Variants in TNIK observed in about 807,000 individuals in gnomAD.
TNIK encodes the protein TRAF2 and NCK interacting kinase.
TNIK carries 49 observed loss-of-function variants against 191.3 expected under a neutral mutation model. The observed-to-expected ratio is 0.26, with a 90% confidence interval of 0.20 to 0.32. The LOEUF (loss-of-function observed/expected upper bound fraction) is 0.32, where lower values mean the gene tolerates loss of function less well. Among genes scored for constraint, TNIK ranks in the 10% least tolerant of loss-of-function variants. TNIK has a pLI of 1.00. For synonymous variants in TNIK, 594 were observed against 600.9 expected, an observed-to-expected ratio of 0.99 and a Z score of 0.17; for missense variants, 1,155 against 1,702.3, an observed-to-expected ratio of 0.68 and a Z score of 5.66.
intron 22 of TNIK, among the ~76,000 whole-genome samples, chr3:171,097,525 T>A (rs1722885675): frequency 6.6e-6 from 1 of 152,154 alleles, no homozygotes; most frequent in South Asian, 2.1e-4. Flanking sequence ...AATTGAATCA[T>A]GGAGGTGGGT....
chr3:171,408,611 A>G (rs957948212), intron 1 of TNIK, among the ~76,000 whole-genome samples: 3 of 152,158 alleles, frequency 2.0e-5, no homozygotes, highest in African/African-American at 7.2e-5. Context: ...CTGAGCCTCA[A>G]TTCCCTCAAT....
Position 171,123,600 on chromosome 3 carries a change from C to T in TNIK, c.2116G>A (p.Ala706Thr). The change falls in exon 18 of 33, where the codon GCA (alanine) becomes ACA (threonine). Residue 706 changes from alanine to threonine, a missense_variant. Physicochemically the swap from Ala to Thr is moderately conservative, Grantham distance 58 (BLOSUM62 0). Transcript: ENST00000436636. Reference protein sequence around the residue: ...GPRLGSQPIRASNPDLRRTEP... With the variant: ...GPRLGSQPIRTSNPDLRRTEP... ...ATAACCACCTTCCTTTCTTACCTTG[C>T]TCTGATGGGTTGAGATCCTAGTCTG... is the stretch of plus-strand genomic sequence containing the variant. 3 of 1,557,232 alleles carry T rather than the reference C, an allele frequency of 1.9e-6. No homozygotes were observed. The highest frequency in any genetic ancestry group is 1.2e-5 in the South Asian group (1 of 83,394).
At chr3:171,374,572 C>G (rs769965327) in intron 1 of TNIK, among the ~76,000 whole-genome samples, 1 of 152,140 alleles carries the variant, frequency 6.6e-6, no homozygotes, top group African/African-American at 2.4e-5. Context: ...GTCAAGAATC[C>G]CTGTTGGCCA....
At chr3:171,069,037 A>G in intron 29 of TNIK, 40 bp from the exon 30 acceptor site, 14 of 1,570,524 alleles carry the variant, frequency 8.9e-6, no homozygotes, top group Non-Finnish European at 1.2e-5. Context: ...TCACTCAAAG[A>G]GGCATCTTAA....
chr3:171,131,238 T>G (rs1170746743), intron 15 of TNIK, among the ~76,000 whole-genome samples: 4 of 144,948 alleles, frequency 2.8e-5, no homozygotes, highest in African/African-American at 1.0e-4. Context: ...CTCGGGAGGC[T>G]GAGGCAGGAG....
chr3:171,174,806 G>A (rs1735773668), intron 9 of TNIK, among the ~76,000 whole-genome samples: 1 of 152,124 alleles, frequency 6.6e-6, no homozygotes, highest in South Asian at 2.1e-4. Flanking sequence ...GCTCATACAC[G>A]AGCCAGAGAA....
chr3:171,191,783 T>C (rs1738096382), intron 5 of TNIK, among the ~76,000 whole-genome samples: 1 of 152,240 alleles, frequency 6.6e-6, no homozygotes, highest in Non-Finnish European at 1.5e-5. Context: ...TGAATTACTC[T>C]GTTTTTGGCT....
chr3:171,251,412 T>C (rs1425772258), intron 2 of TNIK, among the ~76,000 whole-genome samples: 1 of 152,194 alleles, frequency 6.6e-6, no homozygotes, highest in Non-Finnish European at 1.5e-5. Context: ...TATGAACTGA[T>C]AGCTAGGCCC....
chr3:171,328,783 G>C (rs1230267049), intron 2 of TNIK, among the ~76,000 whole-genome samples: 4 of 152,158 alleles, frequency 2.6e-5, no homozygotes, highest in African/African-American at 9.7e-5. Context: ...GGTGGATTCT[G>C]CCTGCCTTTC....
chr3:171,367,933 G>A (rs540452061), intron 2 of TNIK, among the ~76,000 whole-genome samples: 2 of 152,032 alleles, frequency 1.3e-5, no homozygotes, highest in Admixed American at 1.3e-4. Flanking sequence ...AACTTGGAAG[G>A]TGCCATAGTA....
At chr3:171,322,649 G>A (rs1755283033) in intron 2 of TNIK, among the ~76,000 whole-genome samples, 1 of 152,026 alleles carries the variant, frequency 6.6e-6, no homozygotes, top group Admixed American at 6.6e-5. Context: ...CACATATGCA[G>A]GTAGGCAAAC....
intron 10 of TNIK, among the ~76,000 whole-genome samples, chr3:171,161,696 A>G (rs1577005504): frequency 6.6e-6 from 1 of 152,116 alleles, no homozygotes; most frequent in South Asian, 2.1e-4. Flanking sequence ...AGGCGGGCGG[A>G]TCACAAGGTC....
chr3:171,455,865 T>C lies in TNIK; in HGVS notation c.57+4142A>G, dbSNP rs76126897. On this transcript the variant is annotated intron_variant, in intron 1 of 32. Coordinates refer to ENST00000436636, the MANE Select transcript of TNIK (RefSeq NM_015028.4). ...ACTCATTCATCCAACTAATGGAGAC[T>C]ATGGCTCCAAAGATGAACAAGATCT... Among the ~76,000 whole-genome samples the C allele has an allele frequency of 8.5e-3, 1,300 of 152,270 alleles. 20 individuals carry two copies. Among genetic ancestry groups the C allele is most frequent in the African/African-American group, 0.029 (1,217 of 41,534 alleles).
chr3:171,436,517 C>T (rs896271356), intron 1 of TNIK, among the ~76,000 whole-genome samples: 2 of 151,852 alleles, frequency 1.3e-5, no homozygotes, highest in African/African-American at 4.8e-5. Context: ...TTTTACATAA[C>T]TTGTCACAAG....
chr3:171,217,394 T>C lies in TNIK; in HGVS notation c.181-6153A>G, dbSNP rs150872779. 6.6e-4 allele frequency among the ~76,000 whole-genome samples: 100 copies of C among 152,214 alleles called. 1 individual carries two copies. The highest frequency in any genetic ancestry group is 3.9e-4 in the East Asian group (2 of 5,178). ...TGAGAACAATAGACACTGGGACTAC[T>C]AGACTGGGGAGAGAAGTGGACAAGA... On this transcript the variant is annotated intron_variant, in intron 3 of 32. Transcript: ENST00000436636.
chr3:171,090,632 C>T (rs1317171326), intron 23 of TNIK, among the ~76,000 whole-genome samples: 1 of 152,108 alleles, frequency 6.6e-6, no homozygotes, highest in Non-Finnish European at 1.5e-5. Context: ...GAACAGGGAC[C>T]TTCTTTTGGT....
chr3:171,066,592 T>A lies in TNIK; in HGVS notation c.3843A>T (p.Glu1281Asp), dbSNP rs1718470837. ...ITKDVVLQWG[E>D]MPTSVAYIHS... ...TTAACCTACCCACAGACGTGGGCAT[T>A]TCTCCCCATTGGAGCACCACATCCT... Residue 1281 changes from glutamate to aspartate, a missense_variant, in exon 31 of 33, where the codon GAA becomes GAT. Coordinates refer to ENST00000436636, the MANE Select transcript of TNIK (RefSeq NM_015028.4). 2 of 1,613,644 alleles carry A rather than the reference T, an allele frequency of 1.2e-6. No homozygotes were observed.
intron 22 of TNIK, among the ~76,000 whole-genome samples, chr3:171,095,234 C>T (rs927032698): frequency 5.3e-5 from 8 of 152,184 alleles, no homozygotes; most frequent in African/African-American, 1.7e-4. Context: ...AGCACAGTGC[C>T]AGGGCTCAAA....
intron 9 of TNIK, among the ~76,000 whole-genome samples, chr3:171,172,462 A>G (rs1229511923): frequency 6.6e-6 from 1 of 152,232 alleles, no homozygotes; most frequent in Non-Finnish European, 1.5e-5. Context: ...CAAACACTAG[A>G]GTCTATTAAA....
Sources: allele counts gnomAD v4.1 joint callset (sites outside exome capture counted in the v4.1 genomes callset), GRCh38; gene constraint gnomAD v4.1.1; transcripts MANE v1.5; gene names NCBI Gene and HGNC (gene_info 2026-07-23, HGNC 2026-07-21).